GPC6: variants seen among roughly 807,000 people sequenced by gnomAD.
GPC6 encodes the protein glypican 6, also known as glypican-6.
GPC6 carries 14 observed loss-of-function variants against 55.2 expected under a neutral mutation model. The ratio of observed to expected loss-of-function variants is 0.25; its 90% CI spans 0.17 to 0.40. GPC6 has a LOEUF of 0.40. GPC6 is among the 10% of genes least tolerant of loss of function. The pLI, the probability that GPC6 is intolerant of heterozygous loss-of-function variation, is 1.00. For synonymous variants in GPC6, 278 were observed against 259.6 expected (o/e 1.07, Z -0.68); for missense variants, 641 against 708.5 (o/e 0.90, Z 1.08).
In GPC6 at chr13:94,224,925, A is replaced by G. The variant is rs984366463; in HGVS notation, c.878-61424A>G. On this transcript the variant is annotated intron_variant, in intron 4 of 8. Coordinates refer to ENST00000377047, the MANE Select transcript of GPC6 (RefSeq NM_005708.5). ...TCTTCAGGACCGTACTGGTAAAGGC[A>G]TGCTTCATCTCCTGTTACAGCTTTT... 7.9e-5 allele frequency among the ~76,000 whole-genome samples: 12 copies of G among 152,138 alleles called. No homozygotes were observed. The East Asian group carries it at 2.1e-3, about 27-fold the overall frequency.
At chr13:93,943,852 C>G (rs549838286) in intron 3 of GPC6, among the ~76,000 whole-genome samples, 6 of 152,290 alleles carry the variant, frequency 3.9e-5, no homozygotes, top group African/African-American at 1.4e-4. Context: ...GGAGGCAAGG[C>G]TCTAATCTCT....
chr13:93,229,110 C>T (rs1875921495), intron 1 of GPC6, among the ~76,000 whole-genome samples: 1 of 152,162 alleles, frequency 6.6e-6, no homozygotes, highest in Admixed American at 6.5e-5. Context: ...TCCTTCTTTT[C>T]CAGAACTCCT....
At chr13:94,012,120 G>A (rs557920669) in intron 3 of GPC6, among the ~76,000 whole-genome samples, 3 of 152,210 alleles carry the variant, frequency 2.0e-5, no homozygotes, top group South Asian at 2.1e-4. Context: ...ATCTCTACCC[G>A]ATCAGATTCT....
intron 1 of GPC6, chr13:93,450,762 T>C: frequency 1.1e-6 from 1 of 893,724 alleles, no homozygotes. Flanking sequence ...GATGAACCTT[T>C]AGGAAATAGT....
At chr13:93,433,933 A>G (rs975062678) in intron 1 of GPC6, among the ~76,000 whole-genome samples, 3 of 152,240 alleles carry the variant, frequency 2.0e-5, no homozygotes, top group Non-Finnish European at 4.4e-5. Flanking sequence ...CACGCTATGT[A>G]TAGATGACAG....
At chr13:93,851,118 C>G (rs1888378128) in intron 3 of GPC6, among the ~76,000 whole-genome samples, 1 of 151,858 alleles carries the variant, frequency 6.6e-6, no homozygotes, top group Non-Finnish European at 1.5e-5. Context: ...AATAACAGGA[C>G]TTTTTAAAAA....
intron 3 of GPC6, among the ~76,000 whole-genome samples, chr13:93,870,104 T>G (rs1889084776): frequency 6.6e-6 from 1 of 151,818 alleles, no homozygotes. Context: ...CACCCTGACT[T>G]TCTTAAGGTT....
intron 3 of GPC6, among the ~76,000 whole-genome samples, chr13:93,912,692 G>A (rs921599587): frequency 7.9e-5 from 12 of 152,120 alleles, no homozygotes; most frequent in African/African-American, 1.2e-4. Flanking sequence ...GCAGTGAGCC[G>A]AGATTGCGCC....
intron 4 of GPC6, among the ~76,000 whole-genome samples, chr13:94,037,464 G>A (rs2138734531): frequency 6.6e-6 from 1 of 151,856 alleles, no homozygotes; most frequent in African/African-American, 2.4e-5. Context: ...CTATTTCTAT[G>A]GTTCTAGATC....
At chr13:94,235,474 C>G (rs1890852189) in intron 4 of GPC6, among the ~76,000 whole-genome samples, 1 of 152,086 alleles carries the variant, frequency 6.6e-6, no homozygotes, top group African/African-American at 2.4e-5. Context: ...TGCAGTGTTC[C>G]TAGGGAACCT....
intron 1 of GPC6, among the ~76,000 whole-genome samples, chr13:93,270,387 A>G (rs9516201): frequency 0.25 from 37,744 of 151,882 alleles, 4,834 homozygotes; most frequent in African/African-American, 0.3. Flanking sequence ...ATAATTACAT[A>G]TGTATATCTT....
intron 1 of GPC6, among the ~76,000 whole-genome samples, chr13:93,522,749 A>G (rs1881469680): frequency 6.6e-6 from 1 of 151,892 alleles, no homozygotes; most frequent in Non-Finnish European, 1.5e-5. Context: ...AGATAGGCTA[A>G]AATCCGGAGG....
intron 6 of GPC6, among the ~76,000 whole-genome samples, chr13:94,337,269 C>T (rs1877757076): frequency 6.6e-6 from 1 of 152,106 alleles, no homozygotes; most frequent in Non-Finnish European, 1.5e-5. Flanking sequence ...TTGATATTCT[C>T]ATCTGTAGGA....
intron 1 of GPC6, among the ~76,000 whole-genome samples, chr13:93,236,669 T>C (rs1001787729): frequency 6.6e-6 from 1 of 152,172 alleles, no homozygotes; most frequent in Non-Finnish European, 1.5e-5. Context: ...TGAAACAGTT[T>C]CATATCCAAA....
At chr13:93,588,165 T>C (rs1167164345) in intron 2 of GPC6, among the ~76,000 whole-genome samples, 2 of 152,214 alleles carry the variant, frequency 1.3e-5, no homozygotes, top group Non-Finnish European at 2.9e-5. Context: ...TCGTTTTCAG[T>C]CTGTAGGTTT....
In GPC6 at chr13:94,403,243, T is replaced by C. The variant is rs745403294; in HGVS notation, c.*26T>C. The C allele has an allele frequency of 2.6e-6, 4 of 1,517,584 alleles. No individual in the cohort carries two copies. In the South Asian group the frequency reaches 4.5e-5, roughly 17 times the overall value. 94.0% of individuals were successfully genotyped at this position (1,517,584 alleles called of 1,614,324 possible). A position where few individuals can be genotyped will look rare whatever the true frequency, so the allele number is the denominator to read the frequency against. On this transcript the variant is annotated 3_prime_UTR_variant, in exon 9 of 9. Transcript: ENST00000377047. ...TCTTGGGTTTTTGGTCAGATGAAACTGCATTTTAGCTATCTGAATGGCCAA... is the reference window on the plus strand; with the variant it reads ...TCTTGGGTTTTTGGTCAGATGAAACCGCATTTTAGCTATCTGAATGGCCAA...
chr13:94,097,636 C>G (rs776369829), intron 4 of GPC6, among the ~76,000 whole-genome samples: 29 of 151,782 alleles, frequency 1.9e-4, no homozygotes, highest in Admixed American at 1.4e-3. Flanking sequence ...CTGAACTGTT[C>G]ACTTTAAAAT....
chr13:93,847,161 G>C (rs1888210399), intron 3 of GPC6, among the ~76,000 whole-genome samples: 1 of 152,062 alleles, frequency 6.6e-6, no homozygotes, highest in Admixed American at 6.6e-5. Context: ...TGCTACTTCT[G>C]TCCCTTAAGT....
chr13:94,018,441 C>T (rs1882567744), intron 3 of GPC6, among the ~76,000 whole-genome samples: 1 of 152,082 alleles, frequency 6.6e-6, no homozygotes, highest in South Asian at 2.1e-4. Flanking sequence ...AGGCACATGC[C>T]ACCACATCCG....
Sources: gnomAD v4.1 joint callset for allele counts (sites outside exome capture counted in the v4.1 genomes callset) on GRCh38, gnomAD v4.1.1 for gene constraint, MANE v1.5 for transcripts, NCBI Gene and HGNC (gene_info 2026-07-23, HGNC 2026-07-21) for gene names.